The following GRB10 variants were observed in gnomAD, a reference collection of about 807,000 sequenced individuals.
The protein encoded by GRB10 is growth factor receptor bound protein 10, also known as growth factor receptor-bound protein 10.
A neutral mutation model predicts 80.9 loss-of-function variants in GRB10; 20 were observed. The ratio of observed to expected loss-of-function variants is 0.25; its 90% confidence interval spans 0.17 to 0.36. The LOEUF (loss-of-function observed/expected upper bound fraction) is 0.36. Ranked by LOEUF, GRB10 falls within the 10% of genes least tolerant of loss-of-function variation. GRB10 has a pLI of 1.00. For missense variants in GRB10, 548 were observed against 747.7 expected, an observed-to-expected ratio of 0.73 and a Z score of 3.12; for synonymous variants, 291 against 291.5, an observed-to-expected ratio of 1.00 and a Z score of 0.02.
chr7:50,749,134 G>GTTTTTTTTTTTTTTTT (rs11405172), intron 3 of GRB10, among the ~76,000 whole-genome samples: 1 of 137,902 alleles, frequency 7.3e-6, no homozygotes. Context: ...TTTTTTGTTT[G>GTTTTTTTTTTTTTTTT]TTTTTTTTTT....
rs1421370395 is a variant in GRB10, at chr7:50,591,084, A to G, written c.*1868T>C. The stretch of plus-strand genomic sequence containing the variant: ...GTGTAACTGCAATGTCCGTCCCTAC[A>G]GTGAAGCCTGCCACCAGGTGTGAAC... On this transcript the variant is annotated 3_prime_UTR_variant, in exon 19 of 19. Transcript: ENST00000401949. The G allele has an allele frequency of 1.3e-5, 2 of 152,210 alleles. No individual in the cohort carries two copies. The highest frequency in any genetic ancestry group is 2.9e-5 in the Non-Finnish European group (2 of 68,016). 9.4% of individuals were successfully genotyped at this position (152,210 alleles called of 1,614,324 possible). A position where few individuals can be genotyped will look rare whatever the true frequency, so the allele number is the denominator to read the frequency against.
chr7:50,723,003 C>T (rs1298341064), intron 4 of GRB10, among the ~76,000 whole-genome samples: 1 of 152,108 alleles, frequency 6.6e-6, no homozygotes, highest in Non-Finnish European at 1.5e-5. Flanking sequence ...ATGCCAAGAA[C>T]CTGACCTCAA....
intron 5 of GRB10, among the ~76,000 whole-genome samples, chr7:50,702,179 C>A (rs1310020943): frequency 6.6e-6 from 1 of 152,344 alleles, no homozygotes; most frequent in South Asian, 2.1e-4. Context: ...TGCATCCACT[C>A]TGTCTGGCTG....
intron 2 of GRB10, among the ~76,000 whole-genome samples, chr7:50,759,938 A>G (rs1393722834): frequency 1.3e-5 from 2 of 152,126 alleles, no homozygotes; most frequent in Non-Finnish European, 1.5e-5. Flanking sequence ...GAAACCAACA[A>G]AACTTAGCCA....
At chr7:50,730,091 G>C (rs2069401188) in intron 4 of GRB10, among the ~76,000 whole-genome samples, 1 of 152,160 alleles carries the variant, frequency 6.6e-6, no homozygotes, top group Admixed American at 6.5e-5. Flanking sequence ...GGTAGGGAAA[G>C]TTGCAGGATT....
At chr7:50,732,421 C>A in intron 3 of GRB10, 53 bp from the exon 4 acceptor site, 6 of 1,050,836 alleles carry the variant, frequency 5.7e-6, no homozygotes, top group Non-Finnish European at 7.4e-6. Flanking sequence ...AAAAAAAATC[C>A]ACTACTTATG....
At chr7:50,615,202 G>A (rs1488331077) in intron 11 of GRB10, among the ~76,000 whole-genome samples, 4 of 152,196 alleles carry the variant, frequency 2.6e-5, no homozygotes, top group African/African-American at 7.2e-5. Context: ...AAAGGTCAGA[G>A]TTAAGAGCAC....
At chr7:50,766,208 T>C (rs933089981) in intron 2 of GRB10, among the ~76,000 whole-genome samples, 10 of 152,344 alleles carry the variant, frequency 6.6e-5, no homozygotes, top group African/African-American at 2.2e-4. Context: ...CAAAAACCTA[T>C]ACTCAGGGTC....
intron 4 of GRB10, among the ~76,000 whole-genome samples, chr7:50,719,341 G>A (rs2067352034): frequency 6.6e-6 from 1 of 152,222 alleles, no homozygotes; most frequent in Non-Finnish European, 1.5e-5. Context: ...GGCAGAGACA[G>A]AAGGCCCTGC....
intron 3 of GRB10, among the ~76,000 whole-genome samples, chr7:50,741,264 G>C (rs1300594704): frequency 2.0e-5 from 3 of 152,172 alleles, no homozygotes; most frequent in Admixed American, 2.0e-4. Context: ...TGATATTTAT[G>C]AAAAACAGGC....
At chr7:50,638,362 CAG>C (rs2055473977) in intron 7 of GRB10, among the ~76,000 whole-genome samples, 1 of 152,036 alleles carries the variant, frequency 6.6e-6, no homozygotes, top group Admixed American at 6.5e-5. Context: ...GACTAATACC[CAG>C]AATCTAAAAC....
rs891793202 is a variant in GRB10 at position 50,748,424 on chromosome 7, G to A, written c.-47+7463C>T. 4.6e-5 allele frequency among the ~76,000 whole-genome samples: 7 copies of A among 152,356 alleles called. No homozygotes were observed. The East Asian group carries it at 1.2e-3, about 25-fold the overall frequency. ...AGATGTGAGAGCTGAGCTCGGGAAA[G>A]TGTTGGAAATTAGGAGTGGAGAAAG... On this transcript the variant is annotated intron_variant, in intron 3 of 18. Coordinates refer to ENST00000401949, the MANE Select transcript of GRB10 (RefSeq NM_001350814.2).
At position 50,614,851 on chromosome 7, in the gene GRB10, G is replaced by C; in HGVS notation, c.1014C>G (p.Asp338Glu). The stretch of plus-strand genomic sequence containing the variant: ...GGGAGAAGATGTTGCTGTCCTCCAG[G>C]TCGGCCAGCAGCTGCAGGTGTCTGG... The part of the protein sequence containing the change: ...KEPRHLQLLA[D>E]LEDSNIFSLI... The change falls in exon 12 of 19, where the codon GAC becomes GAG. Residue 338 changes from aspartate to glutamate, a missense_variant. Physicochemically the swap from Asp to Glu is conservative, Grantham distance 45. Coordinates refer to ENST00000401949, the MANE Select transcript of GRB10 (RefSeq NM_001350814.2). The C allele has an allele frequency of 9.3e-6, 15 of 1,613,930 alleles. No individual in the cohort carries two copies. The highest frequency in any genetic ancestry group is 1.1e-5 in the Non-Finnish European group (13 of 1,179,904).
At chr7:50,596,556 G>A (rs2046689912) in intron 17 of GRB10, among the ~76,000 whole-genome samples, 1 of 152,210 alleles carries the variant, frequency 6.6e-6, no homozygotes, top group Admixed American at 6.5e-5. Context: ...GAGGCAATTA[G>A]GAAGAAGGGT....
At chr7:50,792,772 C>T (rs1433388452) in intron 1 of GRB10, 3 of 216,030 alleles carry the variant, frequency 1.4e-5, no homozygotes, top group East Asian at 1.9e-4. Flanking sequence ...TCGGAGCACC[C>T]GGGGCTGCAG....
chr7:50,760,674 T>C (rs2075665573), intron 2 of GRB10, among the ~76,000 whole-genome samples: 2 of 152,216 alleles, frequency 1.3e-5, no homozygotes, highest in Admixed American at 1.3e-4. Flanking sequence ...AAATACATGC[T>C]ACTGTTCATC....
At chr7:50,680,281 A>T (rs1244342163) in intron 5 of GRB10, among the ~76,000 whole-genome samples, 1 of 152,266 alleles carries the variant, frequency 6.6e-6, no homozygotes, top group Admixed American at 6.5e-5. Context: ...CTACACAGTC[A>T]TAACTCTTGG....
chr7:50,770,947 A>G (rs2076927256), intron 2 of GRB10, among the ~76,000 whole-genome samples: 1 of 152,138 alleles, frequency 6.6e-6, no homozygotes, highest in African/African-American at 2.4e-5. Flanking sequence ...AATTTTTAAC[A>G]GTGTCAAGGC....
intron 5 of GRB10, among the ~76,000 whole-genome samples, chr7:50,698,362 T>C (rs916978338): frequency 3.9e-5 from 6 of 152,260 alleles, no homozygotes; most frequent in African/African-American, 1.4e-4. Context: ...ATGGTTGTGC[T>C]AAGTCTTATT....
Sources: gnomAD v4.1 joint callset for allele counts (sites outside exome capture counted in the v4.1 genomes callset) on GRCh38, gnomAD v4.1.1 for gene constraint, MANE v1.5 for transcripts, NCBI Gene and HGNC (gene_info 2026-07-23, HGNC 2026-07-21) for gene names.